ZFYVE1: variants seen among roughly 807,000 people sequenced by gnomAD.
The protein encoded by ZFYVE1 is zinc finger FYVE domain-containing protein 1.
In ZFYVE1, 30 loss-of-function variants were observed where a neutral mutation model predicts 74.4. The ratio of observed to expected loss-of-function variants is 0.40; its 90% confidence interval spans 0.30 to 0.55. The LOEUF is 0.55. ZFYVE1 is among the 20% of genes least tolerant of loss of function. ZFYVE1 has a pLI of 0.42. For missense variants in ZFYVE1, 703 were observed against 1,011.6 expected, an observed-to-expected ratio of 0.69 and a Z score of 4.14; for synonymous variants, 335 against 385.1, an observed-to-expected ratio of 0.87 and a Z score of 1.52.
rs1892981578 is a variant in ZFYVE1 at position 72,969,751 on chromosome 14, T to C, written c.*1131A>G. The C allele has an allele frequency of 2.8e-6, 2 of 702,568 alleles. No homozygotes were observed. The highest frequency in any genetic ancestry group is 5.2e-6 in the Non-Finnish European group (2 of 384,822). 43.5% of individuals were successfully genotyped at this position (702,568 alleles called of 1,614,324 possible). ...TTTCCAGTCATGACAGACAGAGATG[T>C]CCAGGCTCTTGAGGAGAAACAAAAG... On this transcript the variant is annotated 3_prime_UTR_variant, in exon 12 of 12. Transcript: ENST00000556143.
At chr14:72,989,637 T>C (rs912812206) in intron 4 of ZFYVE1, among the ~76,000 whole-genome samples, 1 of 152,150 alleles carries the variant, frequency 6.6e-6, no homozygotes, top group Non-Finnish European at 1.5e-5. Context: ...AATGGTCCCA[T>C]CCTCTGACCT....
At chr14:73,004,876 G>A (rs1489502469) in intron 2 of ZFYVE1, among the ~76,000 whole-genome samples, 2 of 151,818 alleles carry the variant, frequency 1.3e-5, no homozygotes, top group African/African-American at 4.8e-5. Flanking sequence ...GCACGTCCCT[G>A]TAATCTCAAC....
intron 2 of ZFYVE1, among the ~76,000 whole-genome samples, chr14:73,021,389 A>C (rs532333830): frequency 6.8e-6 from 1 of 147,362 alleles, no homozygotes; most frequent in African/African-American, 2.5e-5. Flanking sequence ...AAATAAATAA[A>C]TAACTGAAGT....
chr14:72,998,123 C>T lies in ZFYVE1; in HGVS notation c.676G>A (p.Asp226Asn). Reference sequence around the variant, plus strand: ...ATCACTGCTACTTTGTGAACTGGGTCATAGGCTGCCCACACTCCCACAGTG... The same window carrying T: ...ATCACTGCTACTTTGTGAACTGGGTTATAGGCTGCCCACACTCCCACAGTG... ...SCTVGVWAAY[D>N]PVHKVAVIDT... Residue 226 changes from aspartate to asparagine, a missense_variant, in exon 3 of 12, where the codon GAC (aspartate) becomes AAC (asparagine). Transcript: ENST00000556143. The T allele has an allele frequency of 1.9e-6, 3 of 1,613,998 alleles. No homozygotes were observed. The highest frequency in any genetic ancestry group is 1.7e-6 in the Non-Finnish European group (2 of 1,179,984).
intron 2 of ZFYVE1, among the ~76,000 whole-genome samples, chr14:73,007,651 T>C (rs189561378): frequency 6.6e-6 from 1 of 152,252 alleles, no homozygotes; most frequent in Admixed American, 6.5e-5. Flanking sequence ...CTTGGGATTA[T>C]AGGTGTGAGC....
intron 4 of ZFYVE1, among the ~76,000 whole-genome samples, chr14:72,988,803 T>C (rs1893543010): frequency 1.7e-5 from 2 of 114,738 alleles, no homozygotes; most frequent in African/African-American, 3.4e-5. Context: ...CAAGACTCTG[T>C]CTCAAAAAAA....
chr14:73,002,108 A>G (rs1893885219), intron 2 of ZFYVE1, among the ~76,000 whole-genome samples: 1 of 152,224 alleles, frequency 6.6e-6, no homozygotes, highest in Non-Finnish European at 1.5e-5. Flanking sequence ...AAAAGAATGA[A>G]GTGCTGATAC....
At position 72,981,777 on chromosome 14, in the gene ZFYVE1, G is replaced by T; in HGVS notation, c.1310+12C>A. On this transcript the variant is annotated intron_variant, in intron 5 of 11. Coordinates refer to ENST00000556143, the MANE Select transcript of ZFYVE1 (RefSeq NM_021260.4). ...GGTATGGGGTGGGAGGTGGGGGAGC[G>T]GCCTTACTTACCCACAGCTGAGGCA... 1 of 1,612,352 alleles carries T rather than the reference G, an allele frequency of 6.2e-7. No individual in the cohort carries two copies. Among genetic ancestry groups the T allele is most frequent in the Non-Finnish European group, 8.5e-7 (1 of 1,178,592 alleles).
intron 2 of ZFYVE1, among the ~76,000 whole-genome samples, chr14:73,005,434 G>A (rs1645355812): frequency 1.3e-5 from 2 of 152,142 alleles, no homozygotes; most frequent in Non-Finnish European, 2.9e-5. Context: ...CAACATGTTT[G>A]AAATGGTCAC....
Position 72,975,140 on chromosome 14 carries a change from G to A in ZFYVE1, c.1807-181C>T, listed in dbSNP as rs534029406. ...ATGGAAAGGAAGCCTGGTGGACAGT[G>A]AGTTTCCTTTCACTAAGTGTCTGGG... On this transcript the variant is annotated intron_variant, in intron 9 of 11. Transcript: ENST00000556143. The surrounding 1 kb of genome is among the most constrained non-coding windows in gnomAD (Gnocchi z 4.1). 7 of 648,362 alleles carry A rather than the reference G, an allele frequency of 1.1e-5. No individual in the cohort carries two copies. The East Asian group carries it at 2.0e-4, about 19-fold the overall frequency. The allele number at this position is 648,362 out of a possible 1,614,324, so 40.2% of individuals were successfully genotyped here.
chr14:73,010,565 A>C (rs1273401538), intron 2 of ZFYVE1, among the ~76,000 whole-genome samples: 1 of 151,524 alleles, frequency 6.6e-6, no homozygotes, highest in Non-Finnish European at 1.5e-5. Context: ...GCACCATTGC[A>C]CTCCAGCCTG....
chr14:72,990,892 G>C (rs1220016418), intron 4 of ZFYVE1, among the ~76,000 whole-genome samples: 3 of 151,552 alleles, frequency 2.0e-5, no homozygotes, highest in Non-Finnish European at 4.4e-5. Context: ...GTAGAGACAG[G>C]TTTCACCATG....
Position 72,979,174 on chromosome 14 carries a change from C to T in ZFYVE1, c.1311-205G>A, listed in dbSNP as rs76093886. 730 of 531,838 alleles carry T rather than the reference C, an allele frequency of 1.4e-3. 20 individuals are homozygous for T. The East Asian group carries it at 0.024, about 18-fold the overall frequency. The allele number at this position is 531,838 out of a possible 1,614,324, so 32.9% of individuals were successfully genotyped here. On this transcript the variant is annotated intron_variant, in intron 5 of 11. Transcript: ENST00000556143. ...AATCAACAGCACTACAGAGGCACAG[C>T]GACTACTATCCTTGTATGAGGACAC...
At chr14:73,025,398 C>T (rs1894436938) in intron 1 of ZFYVE1, among the ~76,000 whole-genome samples, 2 of 151,726 alleles carry the variant, frequency 1.3e-5, no homozygotes, top group South Asian at 4.2e-4. Flanking sequence ...TTAACACTTA[C>T]ACTGGCTTGT....
chr14:72,974,123 C>G lies in ZFYVE1; in HGVS notation c.2058G>C (p.Gln686His). ...CTGTCACCACGGCTCCCAGAGTGTT[C>G]TGCACGGCCTCGCCCACCTTCCGAG... ...LIARKVGEAV[Q>H]NTLGAVVTAI... Residue 686 changes from glutamine (Q) to histidine (H), a missense_variant, in exon 11 of 12, where the codon CAG becomes CAC. Gln to His is a conservative substitution (Grantham distance 24, BLOSUM62 0). Around this residue, in one of 2 missense-constraint regions of ZFYVE1, gnomAD observed 492 missense variants for 790.0 expected, o/e 0.62. Coordinates refer to ENST00000556143, the MANE Select transcript of ZFYVE1 (RefSeq NM_021260.4). 6.2e-7 allele frequency: 1 copy of G among 1,614,154 alleles called. No homozygotes were observed. Among genetic ancestry groups the G allele is most frequent in the Non-Finnish European group, 8.5e-7 (1 of 1,179,988 alleles).
intron 2 of ZFYVE1, among the ~76,000 whole-genome samples, chr14:73,001,039 C>G (rs1318317466): frequency 6.6e-6 from 1 of 152,234 alleles, no homozygotes; most frequent in Non-Finnish European, 1.5e-5. Context: ...GACTGTGCCA[C>G]TTCCTCCTTT....
chr14:72,981,468 A>C (rs866800732), intron 5 of ZFYVE1, among the ~76,000 whole-genome samples: 2 of 152,088 alleles, frequency 1.3e-5, no homozygotes, highest in Admixed American at 1.3e-4. Context: ...AAACACAGAA[A>C]AGCAGGCAAC....
At chr14:72,984,885 C>T (rs541017693) in intron 4 of ZFYVE1, among the ~76,000 whole-genome samples, 1 of 152,308 alleles carries the variant, frequency 6.6e-6, no homozygotes, top group African/African-American at 2.4e-5. Flanking sequence ...CAGCTTCCTA[C>T]CTTTGCATCC....
intron 2 of ZFYVE1, among the ~76,000 whole-genome samples, chr14:73,002,993 C>T (rs1033380469): frequency 9.9e-5 from 15 of 151,150 alleles, no homozygotes; most frequent in Non-Finnish European, 7.4e-5. Context: ...CCGCCCGCCT[C>T]GGCCTCCCAA....
Sources: allele counts gnomAD v4.1 joint callset (sites outside exome capture counted in the v4.1 genomes callset), GRCh38; gene constraint gnomAD v4.1.1; regional missense constraint gnomAD v4.1.1; non-coding constraint Gnocchi (gnomAD v3.1); transcripts MANE v1.5; gene names NCBI Gene and HGNC (gene_info 2026-07-23, HGNC 2026-07-21).